SP4: variants seen among roughly 807,000 people sequenced by gnomAD.
SP4 encodes the protein transcription factor Sp4.
A neutral mutation model predicts 72.8 loss-of-function variants in SP4; 19 were observed. The observed-to-expected ratio is 0.26, with a 90% CI of 0.18 to 0.38. The LOEUF is 0.38. SP4 is among the 10% of genes least tolerant of loss of function. SP4 has a pLI of 1.00. For synonymous variants in SP4, 395 were observed against 333.1 expected (o/e 1.19, Z -2.02); for missense variants, 1,008 against 926.3 (o/e 1.09, Z -1.14).
chr7:21,428,178 CTCCCGCCTCG>C lies in SP4; in HGVS notation c.-73_-64del. 1 of 715,192 alleles carries C rather than the reference CTCCCGCCTCG, an allele frequency of 1.4e-6. No homozygotes were observed. The highest frequency in any genetic ancestry group is 2.5e-6 in the Non-Finnish European group (1 of 395,046). The allele number at this position is 715,192 out of a possible 1,614,324, so 44.3% of individuals were successfully genotyped here. A position where few individuals can be genotyped will look rare whatever the true frequency, so the allele number is the denominator to read the frequency against. On this transcript the variant is annotated 5_prime_UTR_variant, in exon 1 of 6. Coordinates refer to ENST00000222584, the MANE Select transcript of SP4 (RefSeq NM_003112.5). ...CGCGGGCGGGCGGGACCGGCCTCTC[CTCCCGCCTCG>C]CCCCCACCCCCACCCACCTCTATCC...
At chr7:21,510,968 A>G in intron 5 of SP4, 54 bp from the exon 6 acceptor site, 2 of 1,512,190 alleles carry the variant, frequency 1.3e-6, no homozygotes, top group Non-Finnish European at 1.8e-6. Context: ...ATTAAAAATT[A>G]TAATTTCACT....
chr7:21,483,786 T>G (rs372947566), intron 5 of SP4, among the ~76,000 whole-genome samples: 3 of 151,790 alleles, frequency 2.0e-5, no homozygotes, highest in Non-Finnish European at 3.0e-5. Flanking sequence ...TTTCCTTCTT[T>G]CTTTATTTTT....
intron 3 of SP4, among the ~76,000 whole-genome samples, chr7:21,467,950 T>G (rs1443473308): frequency 6.6e-6 from 1 of 152,136 alleles, no homozygotes; most frequent in Non-Finnish European, 1.5e-5. Flanking sequence ...ATTAAATAGG[T>G]CAATTTCAGT....
intron 3 of SP4, among the ~76,000 whole-genome samples, chr7:21,440,911 C>A (rs1329271876): frequency 6.6e-6 from 1 of 152,020 alleles, no homozygotes; most frequent in Admixed American, 6.5e-5. Context: ...TGGTGTATTT[C>A]AGTATAGTAA....
chr7:21,499,512 C>A (rs1781813907), intron 5 of SP4, among the ~76,000 whole-genome samples: 1 of 152,082 alleles, frequency 6.6e-6, no homozygotes, highest in Admixed American at 6.5e-5. Context: ...CCAAGGAATG[C>A]CAAGGATTGC....
intron 5 of SP4, chr7:21,482,479 G>GT (rs987004628): frequency 0.023 from 4,222 of 182,802 alleles, no homozygotes; most frequent in Non-Finnish European, 0.038. Context: ...GTGTGTTTTA[G>GT]TTTTTTTTTT....
Position 21,430,787 on chromosome 7 carries a change from T to G in SP4, c.1622T>G (p.Leu541Arg). ...CTTCAGACAGTGAGCGTTGCCAACC[T>G]GGGTGCTGCAGGTGTTCAAGTGCAG... ...PNLQTVSVAN[L>R]GAAGVQVQGV... Residue 541 changes from leucine to arginine, a missense_variant, in exon 3 of 6, where the codon CTG becomes CGG. Leu to Arg is a moderately radical substitution (Grantham distance 102). Transcript: ENST00000222584. 1 of 1,614,194 alleles carries G rather than the reference T, an allele frequency of 6.2e-7. No homozygotes were observed. Among genetic ancestry groups the G allele is most frequent in the Non-Finnish European group, 8.5e-7 (1 of 1,180,018 alleles).
intron 3 of SP4, among the ~76,000 whole-genome samples, chr7:21,470,534 C>T (rs1784302993): frequency 6.6e-6 from 1 of 151,958 alleles, no homozygotes; most frequent in Admixed American, 6.5e-5. Flanking sequence ...TTTCCTTTAC[C>T]AGCTAAACCT....
chr7:21,429,770 G>T lies in SP4; in HGVS notation c.605G>T (p.Gly202Val), dbSNP rs1371766553. The T allele has an allele frequency of 6.2e-7, 1 of 1,614,090 alleles. No individual in the cohort carries two copies. The highest frequency in any genetic ancestry group is 8.5e-7 in the Non-Finnish European group (1 of 1,179,972). ...LQGQIQLISAGNNQAILTAAN... is the reference protein window; with the variant it reads ...LQGQIQLISAVNNQAILTAAN... ...GGTCAAATTCAGCTCATTTCTGCAG[G>T]TAATAATCAAGCTATACTCACAGCT... Residue 202 changes from glycine to valine, a missense_variant, in exon 3 of 6, where the codon GGT (glycine) becomes GTT (valine). Gly to Val is a moderately radical substitution (Grantham distance 109, BLOSUM62 -3). This residue lies in a region of SP4 where 893 missense variants were observed against 743.3 expected (regional missense o/e 1.20). Transcript: ENST00000222584.
At chr7:21,498,034 C>T (rs962171238) in intron 5 of SP4, among the ~76,000 whole-genome samples, 14 of 152,064 alleles carry the variant, frequency 9.2e-5, no homozygotes, top group African/African-American at 2.4e-4. Context: ...CCTTCAACCT[C>T]GCCTTACTCT....
In SP4 at chr7:21,511,341, G is replaced by A; in HGVS notation, c.*72G>A. 6.9e-7 allele frequency: 1 copy of A among 1,442,956 alleles called. No homozygotes were observed. The highest frequency in any genetic ancestry group is 9.5e-7 in the Non-Finnish European group (1 of 1,052,112). 89.4% of individuals were successfully genotyped at this position (1,442,956 alleles called of 1,614,324 possible). On this transcript the variant is annotated 3_prime_UTR_variant, in exon 6 of 6. Transcript: ENST00000222584. ...CCTTTGAAAATCTGGAAATGGGCTGGTCAAGTGGATTACAGAGTAGGAAAT... is the reference window on the plus strand; with the variant it reads ...CCTTTGAAAATCTGGAAATGGGCTGATCAAGTGGATTACAGAGTAGGAAAT...
rs1202735676 is a variant in SP4, at chr7:21,429,561, C to T, written c.396C>T (p.Asn132=). The change falls in exon 3 of 6, where the codon AAC becomes AAT. Residue 132 remains asparagine (N), a synonymous_variant. Coordinates refer to ENST00000222584, the MANE Select transcript of SP4 (RefSeq NM_003112.5). The part of the protein sequence containing the change: ...SSSSSSSSSN[N]GSASPTKTKS... ...CGTCTAGTTCTTCCAGCAGTAATAA[C>T]GGGAGTGCATCTCCTACAAAAACTA... 1.2e-6 allele frequency: 2 copies of T among 1,614,118 alleles called. No homozygotes were observed. The highest frequency in any genetic ancestry group is 1.7e-6 in the Non-Finnish European group (2 of 1,179,946).
At chr7:21,460,239 A>G (rs7796796) in intron 3 of SP4, among the ~76,000 whole-genome samples, 116,452 of 152,164 alleles carry the variant, frequency 0.77, 45,302 homozygotes, top group African/African-American at 0.91. Flanking sequence ...TAAAGGCGGC[A>G]TGTCCAGAGT....
intron 1 of SP4, 85 bp from the exon 2 acceptor site, chr7:21,428,592 G>C (rs1054662268): frequency 1.5e-6 from 2 of 1,319,958 alleles, no homozygotes; most frequent in Non-Finnish European, 2.1e-6. Context: ...CGGGGGGAGG[G>C]GGGAGAAGAG....
In SP4 at chr7:21,513,748, A is replaced by G. The variant is rs905205796; in HGVS notation, c.*2479A>G. Reference sequence around the variant, plus strand: ...CATTAGAAATGGAAGTTATTTTTTAATCAACAATGAGGCCTATTATAAATT... The same window carrying G: ...CATTAGAAATGGAAGTTATTTTTTAGTCAACAATGAGGCCTATTATAAATT... On this transcript the variant is annotated 3_prime_UTR_variant, in exon 6 of 6. Coordinates refer to ENST00000222584, the MANE Select transcript of SP4 (RefSeq NM_003112.5). 6.6e-6 allele frequency: 1 copy of G among 152,174 alleles called. No homozygotes were observed. Among genetic ancestry groups the G allele is most frequent in the African/African-American group, 2.4e-5 (1 of 41,456 alleles). 9.4% of individuals were successfully genotyped at this position (152,174 alleles called of 1,614,324 possible).
intron 4 of SP4, among the ~76,000 whole-genome samples, chr7:21,478,210 G>C (rs949511122): frequency 5.9e-5 from 9 of 151,874 alleles, no homozygotes; most frequent in African/African-American, 1.7e-4. Flanking sequence ...TTCCTTTTTA[G>C]GGACAAATAA....
chr7:21,501,271 C>T (rs975816917), intron 5 of SP4, among the ~76,000 whole-genome samples: 1 of 151,966 alleles, frequency 6.6e-6, no homozygotes, highest in South Asian at 2.1e-4. Context: ...GTTACATCCG[C>T]AGGCTGGTTG....
At chr7:21,486,700 T>C (rs74794293) in intron 5 of SP4, among the ~76,000 whole-genome samples, 2,131 of 152,288 alleles carry the variant, frequency 0.014, 47 homozygotes, top group East Asian at 0.079. Context: ...AACCCTGATG[T>C]ATTGGTTAAT....
intron 4 of SP4, among the ~76,000 whole-genome samples, chr7:21,478,469 C>G (rs1306996750): frequency 2.0e-5 from 3 of 151,602 alleles, no homozygotes. Context: ...AGTGGCTGTA[C>G]CATTTAACAT....
Sources: allele counts gnomAD v4.1 joint callset (sites outside exome capture counted in the v4.1 genomes callset), GRCh38; gene constraint gnomAD v4.1.1; regional missense constraint gnomAD v4.1.1; transcripts MANE v1.5; gene names NCBI Gene and HGNC (gene_info 2026-07-23, HGNC 2026-07-21).